The following NKAIN3 variants were observed in gnomAD, a reference collection of about 807,000 sequenced individuals.
NKAIN3 encodes the protein sodium/potassium-transporting ATPase subunit beta-1-interacting protein 3.
Under a neutral mutation model 30.2 loss-of-function variants are expected in NKAIN3, and 25 were observed. That is an observed-to-expected ratio of 0.83 (90% CI 0.60 to 1.16). The LOEUF is 1.16. NKAIN3 is among the 50% of genes most tolerant of loss of function. The pLI, the probability that NKAIN3 is intolerant of heterozygous loss-of-function variation, is 0.00. For missense variants in NKAIN3, 225 were observed against 254.1 expected (o/e 0.89, Z 0.78); for synonymous variants, 91 against 89.6 (o/e 1.02, Z -0.09).
intron 4 of NKAIN3, among the ~76,000 whole-genome samples, chr8:62,837,875 C>T (rs1344774046): frequency 6.6e-6 from 1 of 151,930 alleles, no homozygotes; most frequent in Non-Finnish European, 1.5e-5. Flanking sequence ...TCATAGGAAG[C>T]TGCAATATGC....
intron 1 of NKAIN3, among the ~76,000 whole-genome samples, chr8:62,494,522 G>A (rs145810806): frequency 3.4e-4 from 52 of 152,200 alleles, no homozygotes; most frequent in Middle Eastern, 3.4e-3. Flanking sequence ...TCGGGATGAT[G>A]CTGGCCTCAC....
chr8:62,577,837 C>A (rs1192083512), intron 1 of NKAIN3, among the ~76,000 whole-genome samples: 1 of 151,868 alleles, frequency 6.6e-6, no homozygotes, highest in Non-Finnish European at 1.5e-5. Context: ...TCAGGAAATA[C>A]CCGTGAAATG....
intron 1 of NKAIN3, among the ~76,000 whole-genome samples, chr8:62,384,494 C>G: frequency 6.6e-6 from 1 of 152,024 alleles, no homozygotes; most frequent in East Asian, 1.9e-4. Flanking sequence ...CTAACTTTTT[C>G]TTAATTTTTT....
At chr8:62,701,286 C>G (rs1586104709) in intron 3 of NKAIN3, among the ~76,000 whole-genome samples, 1 of 152,276 alleles carries the variant, frequency 6.6e-6, no homozygotes, top group Admixed American at 6.5e-5. Flanking sequence ...ATCTGATGTT[C>G]CCTCCTTACT....
intron 1 of NKAIN3, among the ~76,000 whole-genome samples, chr8:62,250,130 G>A (rs1192146154): frequency 6.6e-6 from 1 of 152,214 alleles, no homozygotes; most frequent in Non-Finnish European, 1.5e-5. Flanking sequence ...AGAGGAAAAA[G>A]CTTGCAATGA....
chr8:62,914,056 C>A (rs12679307), intron 4 of NKAIN3, among the ~76,000 whole-genome samples: 103,265 of 152,068 alleles, frequency 0.68, 35,993 homozygotes, highest in East Asian at 0.9. Context: ...ATGTTTATTG[C>A]TGCACTATTC....
intron 4 of NKAIN3, among the ~76,000 whole-genome samples, chr8:62,748,313 C>T (rs2130586880): frequency 6.6e-6 from 1 of 152,198 alleles, no homozygotes; most frequent in East Asian, 1.9e-4. Flanking sequence ...TGGCCCCATT[C>T]TCCTGCACAT....
rs564403079 is a variant in NKAIN3, at chr8:62,570,733, C to A, written c.55-8806C>A. ...CACAGAGCCAAACCATATCATTTCACCTCTGGTCCCTCCAAATCTCATCAC... is the reference window on the plus strand; with the variant it reads ...CACAGAGCCAAACCATATCATTTCAACTCTGGTCCCTCCAAATCTCATCAC... On this transcript the variant is annotated intron_variant, in intron 1 of 6. Coordinates refer to ENST00000623646, the MANE Select transcript of NKAIN3 (RefSeq NM_001304533.3). 1.1e-4 allele frequency among the ~76,000 whole-genome samples: 16 copies of A among 152,178 alleles called. No individual in the cohort carries two copies. In the East Asian group the frequency reaches 3.1e-3, roughly 30 times the overall value.
chr8:62,617,621 A>G (rs16929287), intron 3 of NKAIN3, among the ~76,000 whole-genome samples: 36,740 of 152,032 alleles, frequency 0.24, 4,681 homozygotes, highest in East Asian at 0.34. Flanking sequence ...CTCCTGTTGC[A>G]TAGAAAGATG....
intron 4 of NKAIN3, among the ~76,000 whole-genome samples, chr8:62,825,751 A>G (rs918473863): frequency 6.6e-6 from 1 of 152,182 alleles, no homozygotes; most frequent in African/African-American, 2.4e-5. Flanking sequence ...TCTTCAGTGC[A>G]GCCAGGCTTA....
chr8:62,858,299 T>A (rs1246387962), intron 4 of NKAIN3, among the ~76,000 whole-genome samples: 1 of 152,064 alleles, frequency 6.6e-6, no homozygotes, highest in African/African-American at 2.4e-5. Flanking sequence ...ACCTGAAGAC[T>A]TTGTTTGGGA....
At chr8:62,556,149 T>A (rs1409809354) in intron 1 of NKAIN3, among the ~76,000 whole-genome samples, 2 of 151,970 alleles carry the variant, frequency 1.3e-5, no homozygotes. Flanking sequence ...GACACTAACA[T>A]TGACTGAATA....
intron 1 of NKAIN3, among the ~76,000 whole-genome samples, chr8:62,512,287 A>G (rs920111100): frequency 6.6e-6 from 1 of 152,092 alleles, no homozygotes; most frequent in Non-Finnish European, 1.5e-5. Flanking sequence ...GTAGGTGTTT[A>G]TTGCCCTAAC....
At chr8:62,335,064 G>A (rs182516703) in intron 1 of NKAIN3, among the ~76,000 whole-genome samples, 54 of 152,088 alleles carry the variant, frequency 3.6e-4, no homozygotes, top group African/African-American at 1.2e-3. Context: ...AGATTTAAGG[G>A]GAGAGGTGTA....
chr8:62,348,964 T>G (rs1816097801), intron 1 of NKAIN3, among the ~76,000 whole-genome samples: 1 of 152,198 alleles, frequency 6.6e-6, no homozygotes, highest in African/African-American at 2.4e-5. Flanking sequence ...ATTTTCACTT[T>G]AGGTTAGCAG....
intron 4 of NKAIN3, among the ~76,000 whole-genome samples, chr8:62,832,363 G>C (rs1003772685): frequency 6.6e-6 from 1 of 151,106 alleles, no homozygotes; most frequent in Non-Finnish European, 1.5e-5. Flanking sequence ...ACTACAAACA[G>C]TGAACAACTT....
intron 5 of NKAIN3, among the ~76,000 whole-genome samples, chr8:62,945,107 T>A (rs895831650): frequency 2.6e-5 from 4 of 152,100 alleles, no homozygotes; most frequent in African/African-American, 9.7e-5. Context: ...CAGACAAAAA[T>A]TTTTCCCTTA....
Position 62,982,995 on chromosome 8 carries a change from G to A in NKAIN3, c.*17588G>A, listed in dbSNP as rs895810714. On this transcript the variant is annotated 3_prime_UTR_variant, in exon 7 of 7. Coordinates refer to ENST00000623646, the MANE Select transcript of NKAIN3 (RefSeq NM_001304533.3). ...CATGAATAAGTCTAATTTTCTCTCC[G>A]GTGTGTAAAACTGACAATACCCACA... 5.3e-5 allele frequency: 8 copies of A among 152,006 alleles called. No homozygotes were observed. Among genetic ancestry groups the A allele is most frequent in the East Asian group, 1.9e-4 (1 of 5,178 alleles). The allele number at this position is 152,006 out of a possible 1,614,324, so 9.4% of individuals were successfully genotyped here. A position where few individuals can be genotyped will look rare whatever the true frequency, so the allele number is the denominator to read the frequency against.
chr8:62,476,092 G>A (rs1324480654), intron 1 of NKAIN3, among the ~76,000 whole-genome samples: 1 of 152,178 alleles, frequency 6.6e-6, no homozygotes, highest in Admixed American at 6.5e-5. Flanking sequence ...AGTTAATATA[G>A]TTAATAGCTA....
Sources: allele counts gnomAD v4.1 joint callset (sites outside exome capture counted in the v4.1 genomes callset), GRCh38; gene constraint gnomAD v4.1.1; transcripts MANE v1.5; gene names NCBI Gene and HGNC (gene_info 2026-07-23, HGNC 2026-07-21).